The following KCNN3 variants were observed in gnomAD, a reference collection of about 807,000 sequenced individuals.
KCNN3 encodes the protein potassium calcium-activated channel subfamily N member 3, also known as small conductance calcium-activated potassium channel protein 3.
KCNN3 carries 16 observed loss-of-function variants against 62.9 expected under a neutral mutation model. The observed-to-expected ratio is 0.25, with a 90% CI of 0.17 to 0.39. The LOEUF (loss-of-function observed/expected upper bound fraction) is 0.39. KCNN3 is among the 10% of genes least tolerant of loss of function. The pLI is 1.00. For synonymous variants in KCNN3, 370 were observed against 389.2 expected (o/e 0.95, Z 0.58); for missense variants, 599 against 949.4 (o/e 0.63, Z 4.85).
At chr1:154,717,456 C>T (rs1700255248) in intron 5 of KCNN3, among the ~76,000 whole-genome samples, 1 of 152,126 alleles carries the variant, frequency 6.6e-6, no homozygotes, top group African/African-American at 2.4e-5. Context: ...AGAGCCACGT[C>T]CAGGAAGAGC....
intron 3 of KCNN3, among the ~76,000 whole-genome samples, chr1:154,757,238 T>A (rs73007714): frequency 0.016 from 2,442 of 152,328 alleles, 61 homozygotes; most frequent in African/African-American, 0.055. Flanking sequence ...ATTGCTTTTA[T>A]CAGCAGGAAA....
chr1:154,839,751 CT>C (rs1651749413), intron 1 of KCNN3, among the ~76,000 whole-genome samples: 1 of 53,044 alleles, frequency 1.9e-5, no homozygotes, highest in Non-Finnish European at 3.7e-5. Flanking sequence ...CCCAAGAGCC[CT>C]TCTGGGGGCC....
chr1:154,721,018 G>T (rs542210804), intron 5 of KCNN3, among the ~76,000 whole-genome samples: 1 of 152,342 alleles, frequency 6.6e-6, no homozygotes, highest in African/African-American at 2.4e-5. Context: ...GAGCACACCA[G>T]GGAAGTTAGG....
intron 2 of KCNN3, among the ~76,000 whole-genome samples, chr1:154,775,329 C>T (rs1648743134): frequency 6.6e-6 from 1 of 152,154 alleles, no homozygotes; most frequent in Admixed American, 6.5e-5. Context: ...GCAAGGGGAA[C>T]ATTCCAGGCA....
rs191168654 is a variant in KCNN3, at chr1:154,867,923, C to T, written c.933+1109G>A. The T allele has an allele frequency of 4.1e-6, 4 of 984,578 alleles. No individual in the cohort carries two copies. In the East Asian group the frequency reaches 4.6e-4, roughly 113 times the overall value. 61.0% of individuals were successfully genotyped at this position (984,578 alleles called of 1,614,324 possible). A position where few individuals can be genotyped will look rare whatever the true frequency, so the allele number is the denominator to read the frequency against. The stretch of plus-strand genomic sequence containing the variant: ...AGCCCACAGCAGGAGAGCTCCCCGG[C>T]AAGCAGAGCATCGGCAGAAACCCAC... On this transcript the variant is annotated intron_variant, in intron 1 of 7. Coordinates refer to ENST00000271915, the MANE Select transcript of KCNN3 (RefSeq NM_002249.6).
At chr1:154,709,027 C>A (rs773376507) in intron 7 of KCNN3, among the ~76,000 whole-genome samples, 3 of 152,092 alleles carry the variant, frequency 2.0e-5, no homozygotes, top group Non-Finnish European at 4.4e-5. Flanking sequence ...ACTGACCAAT[C>A]CTGCTTCCCT....
Position 154,755,816 on chromosome 1 carries a change from AAAG to A in KCNN3, c.1448+16156_1448+16158del, listed in dbSNP as rs1237334390. Among the ~76,000 whole-genome samples, 29 of 130,550 alleles carry A rather than the reference AAAG, an allele frequency of 2.2e-4. No individual in the cohort carries two copies. The East Asian group carries it at 3.5e-3, about 16-fold the overall frequency. 85.6% of individuals were successfully genotyped at this position (130,550 alleles called of 152,430 possible). ...GGAGGAGGAGGAAGAAGAAGAAGGC[AAAG>A]AAGAAGAAGGAGGAGGAGGGGGAAA... On this transcript the variant is annotated intron_variant, in intron 3 of 7. Coordinates refer to ENST00000271915, the MANE Select transcript of KCNN3 (RefSeq NM_002249.6).
chr1:154,723,491 G>A (rs1700400578), intron 5 of KCNN3, among the ~76,000 whole-genome samples: 1 of 152,200 alleles, frequency 6.6e-6, no homozygotes, highest in Non-Finnish European at 1.5e-5. Context: ...ATTTTTGAAA[G>A]ATTAAAATTA....
At chr1:154,852,985 T>A (rs774360733) in intron 1 of KCNN3, among the ~76,000 whole-genome samples, 3 of 152,124 alleles carry the variant, frequency 2.0e-5, no homozygotes, top group South Asian at 4.1e-4. Context: ...TTATTTAATT[T>A]ATTTATTTAT....
At chr1:154,778,611 CTTTT>C (rs11459390) in intron 2 of KCNN3, among the ~76,000 whole-genome samples, 19 of 73,628 alleles carry the variant, frequency 2.6e-4, no homozygotes, top group South Asian at 1.9e-3. Context: ...CTCTCTGTCT[CTTTT>C]TTTTTTTTTT....
rs967597701 is a variant in KCNN3, at chr1:154,791,340, C to A, written c.1030-18947G>T. Among the ~76,000 whole-genome samples, 4 of 147,768 alleles carry A rather than the reference C, an allele frequency of 2.7e-5. No individual in the cohort carries two copies. In the Admixed American group the frequency reaches 2.7e-4, roughly 10 times the overall value. On this transcript the variant is annotated intron_variant, in intron 2 of 7. Coordinates refer to ENST00000271915, the MANE Select transcript of KCNN3 (RefSeq NM_002249.6). ...CTCTAAACTGAGAGCTCTTGCAGAG[C>A]AAAGACCACATCAGGTACATTCTTG...
Position 154,868,900 on chromosome 1 carries a change from A to ATCTCTCTCTC in KCNN3, c.933+122_933+131dup, listed in dbSNP as rs60145117. 969 of 759,082 alleles carry ATCTCTCTCTC rather than the reference A, an allele frequency of 1.3e-3. 1 individual carries two copies. The highest frequency in any genetic ancestry group is 1.7e-3 in the Non-Finnish European group (745 of 444,580). 47.0% of individuals were successfully genotyped at this position (759,082 alleles called of 1,614,324 possible). A position where few individuals can be genotyped will look rare whatever the true frequency, so the allele number is the denominator to read the frequency against. On this transcript the variant is annotated intron_variant, in intron 1 of 7. Transcript: ENST00000271915. ...TCCCAGTCTCCCTCCCAATCTCTCA[A>ATCTCTCTCTC]TCTCTCTCTCTCTCTCTCTCTCTCT...
intron 2 of KCNN3, among the ~76,000 whole-genome samples, chr1:154,776,872 T>A (rs1435485268): frequency 6.6e-6 from 1 of 152,038 alleles, no homozygotes; most frequent in Non-Finnish European, 1.5e-5. Context: ...TCTCTGGGGG[T>A]GGAGCCCTGG....
chr1:154,742,006 C>T (rs1334723575), intron 3 of KCNN3, among the ~76,000 whole-genome samples: 1 of 152,268 alleles, frequency 6.6e-6, no homozygotes, highest in Non-Finnish European at 1.5e-5. Flanking sequence ...CCCACCGGTG[C>T]CTCTCTCCTC....
intron 6 of KCNN3, 90 bp from the exon 7 acceptor site, chr1:154,713,623 T>C: frequency 1.9e-6 from 2 of 1,066,672 alleles, no homozygotes; most frequent in Non-Finnish European, 2.9e-6. Flanking sequence ...CCACTGCCTC[T>C]GATTTTGGAA....
intron 2 of KCNN3, among the ~76,000 whole-genome samples, chr1:154,801,251 G>A (rs1170572728): frequency 2.6e-5 from 4 of 152,182 alleles, no homozygotes; most frequent in Non-Finnish European, 5.9e-5. Flanking sequence ...CAAAGTAGAA[G>A]AAGGCCGTTT....
At chr1:154,773,954 A>G (rs903559406) in intron 2 of KCNN3, among the ~76,000 whole-genome samples, 1 of 152,176 alleles carries the variant, frequency 6.6e-6, no homozygotes, top group Non-Finnish European at 1.5e-5. Context: ...AGTGCAGTGA[A>G]GTGTTCACGG....
chr1:154,745,493 G>A (rs1700919745), intron 3 of KCNN3, among the ~76,000 whole-genome samples: 1 of 152,234 alleles, frequency 6.6e-6, no homozygotes, highest in Non-Finnish European at 1.5e-5. Flanking sequence ...TCACACAGCT[G>A]GATGCAACCT....
rs1466353162 is a variant in KCNN3, at chr1:154,701,581, G to C, written c.*6395C>G. 1.3e-5 allele frequency: 2 copies of C among 152,138 alleles called. No individual in the cohort carries two copies. Among genetic ancestry groups the C allele is most frequent in the Non-Finnish European group, 2.9e-5 (2 of 68,024 alleles). The allele number at this position is 152,138 out of a possible 1,614,324, so 9.4% of individuals were successfully genotyped here. A position where few individuals can be genotyped will look rare whatever the true frequency, so the allele number is the denominator to read the frequency against. ...GCTATAAAGGACAATATCTCAACGG[G>C]AACCCTTTATTTCCTCCCAGCTAGA... On this transcript the variant is annotated 3_prime_UTR_variant, in exon 8 of 8. Coordinates refer to ENST00000271915, the MANE Select transcript of KCNN3 (RefSeq NM_002249.6).
Sources: gnomAD v4.1 joint callset for allele counts (sites outside exome capture counted in the v4.1 genomes callset) on GRCh38, gnomAD v4.1.1 for gene constraint, MANE v1.5 for transcripts, NCBI Gene and HGNC (gene_info 2026-07-23, HGNC 2026-07-21) for gene names.